Variants in BRCA2 observed in about 807,000 individuals in gnomAD.
The protein encoded by BRCA2 is breast cancer type 2 susceptibility protein.
BRCA2 carries 203 observed loss-of-function variants against 276.7 expected under a neutral mutation model. The observed-to-expected ratio is 0.73, with a 90% CI of 0.65 to 0.82. BRCA2 has a LOEUF of 0.82. Ranked by LOEUF, BRCA2 falls within the 40% of genes least tolerant of loss-of-function variation. The pLI, the probability that BRCA2 is intolerant of heterozygous loss-of-function variation, is 0.00. For synonymous variants in BRCA2, 1,289 were observed against 1,338.4 expected (o/e 0.96, Z 0.81); for missense variants, 3,920 against 3,915.0 (o/e 1.00, Z -0.03).
rs747363339 is a variant in BRCA2 at position 32,336,398 on chromosome 13, A to G, written c.2043A>G (p.Val681=). 15 of 1,613,186 alleles carry G rather than the reference A, an allele frequency of 9.3e-6. No homozygotes were observed. Among genetic ancestry groups the G allele is most frequent in the Non-Finnish European group, 8.5e-7 (1 of 1,179,800 alleles). The change falls in exon 11 of 27, where the codon GTA becomes GTG. Residue 681 remains valine, a synonymous_variant. Transcript: ENST00000380152. ...ATGAAACATGTTCTAATAATACAGT[A>G]ATCTCTCAGGATCTTGATTATAAAG... ...SRNETCSNNT[V]ISQDLDYKEA...
At chr13:32,348,743 A>C (rs2072627887) in intron 13 of BRCA2, among the ~76,000 whole-genome samples, 1 of 152,172 alleles carries the variant, frequency 6.6e-6, no homozygotes, top group South Asian at 2.1e-4. Context: ...CATAGAAGAG[A>C]GGCAAAGGGA....
chr13:32,331,251 C>T (rs1389630928), intron 9 of BRCA2, among the ~76,000 whole-genome samples: 3 of 152,090 alleles, frequency 2.0e-5, no homozygotes, highest in Non-Finnish European at 4.4e-5. Context: ...GGCATTTCAC[C>T]ATGTTGGCCA....
chr13:32,379,705 A>G (rs1239851422), intron 22 of BRCA2, 45 bp from the exon 23 acceptor site: 1 of 1,578,988 alleles, frequency 6.3e-7, no homozygotes, highest in Admixed American at 1.7e-5. Context: ...CATTTAAATG[A>G]TAATCACTTC....
chr13:32,385,526 C>T, intron 24 of BRCA2: 1 of 228,660 alleles, frequency 4.4e-6, no homozygotes. Flanking sequence ...CCCACTTCTG[C>T]CTTCCTGCAT....
intron 11 of BRCA2, among the ~76,000 whole-genome samples, chr13:32,344,166 G>GA (rs34225677): frequency 0.032 from 4,416 of 137,490 alleles, 120 homozygotes; most frequent in Non-Finnish European, 0.051. Context: ...CCCCCGTGCT[G>GA]AAAAAAAAAA....
Position 32,371,059 on chromosome 13 carries a change from C to G in BRCA2, c.8591C>G (p.Ala2864Gly), listed in dbSNP as rs80359116. The G allele has an allele frequency of 1.2e-6, 2 of 1,613,816 alleles. No individual in the cohort carries two copies. The highest frequency in any genetic ancestry group is 1.3e-5 in the African/African-American group (1 of 74,866). Residue 2864 changes from alanine (A) to glycine (G), a missense_variant, in exon 20 of 27, where the codon GCC (alanine) becomes GGC (glycine). By Grantham distance (60) the Ala-to-Gly change is moderately conservative (BLOSUM62 0). Coordinates refer to ENST00000380152, the MANE Select transcript of BRCA2 (RefSeq NM_000059.4). ...GAGGCCCAACAAAAGAGACTAGAAGCCTTATTCACTAAAATTCAGGAGGAA... is the reference window on the plus strand; with the variant it reads ...GAGGCCCAACAAAAGAGACTAGAAGGCTTATTCACTAAAATTCAGGAGGAA... The part of the protein sequence containing the change: ...YVEAQQKRLE[A>G]LFTKIQEEFE...
intron 13 of BRCA2, among the ~76,000 whole-genome samples, chr13:32,348,662 A>G (rs1055699861): frequency 2.0e-5 from 3 of 152,184 alleles, no homozygotes; most frequent in African/African-American, 7.2e-5. Flanking sequence ...CGCTTTTCTC[A>G]GGAAACTAAC....
At position 32,340,427 on chromosome 13, in the gene BRCA2, G is replaced by C. The variant is rs1566233838; in HGVS notation, c.6072G>C (p.Gln2024His). The change falls in exon 11 of 27, where the codon CAG becomes CAC. Residue 2024 changes from glutamine to histidine, a missense_variant. Transcript: ENST00000380152. ...TTAAAAGTAACGAACATTCAGACCA[G>C]CTCACAAGAGAAGAAAATACTGCTA... ...VLFKSNEHSDQLTREENTAIR... is the reference protein window; with the variant it reads ...VLFKSNEHSDHLTREENTAIR... 1 of 1,613,770 alleles carries C rather than the reference G, an allele frequency of 6.2e-7. No individual in the cohort carries two copies. Among genetic ancestry groups the C allele is most frequent in the Non-Finnish European group, 8.5e-7 (1 of 1,179,794 alleles).
At chr13:32,368,807 TTG>T (rs879772627) in intron 18 of BRCA2, among the ~76,000 whole-genome samples, 5,833 of 147,170 alleles carry the variant, frequency 0.04, 191 homozygotes, top group South Asian at 0.12. Context: ...TGTTTTTTTT[TTG>T]GTTTTTTTTG....
intron 3 of BRCA2, among the ~76,000 whole-genome samples, chr13:32,321,418 A>G (rs1373640281): frequency 6.6e-6 from 1 of 152,226 alleles, no homozygotes; most frequent in Non-Finnish European, 1.5e-5. Flanking sequence ...GTGCATGAAA[A>G]GTGAGCAGCC....
chr13:32,384,534 G>A (rs2072945624), intron 24 of BRCA2: 1 of 155,052 alleles, frequency 6.4e-6, no homozygotes, highest in Non-Finnish European at 1.5e-5. Context: ...GCTTGTTATG[G>A]GGACTGACAC....
chr13:32,338,189 T>A lies in BRCA2; in HGVS notation c.3834T>A (p.His1278Gln). 2 of 1,565,268 alleles carry A rather than the reference T, an allele frequency of 1.3e-6. No homozygotes were observed. The highest frequency in any genetic ancestry group is 1.7e-6 in the Non-Finnish European group (2 of 1,155,006). Residue 1278 changes from histidine to glutamine, a missense_variant, in exon 11 of 27, where the codon CAT becomes CAA. By Grantham distance (24) the His-to-Gln change is conservative (BLOSUM62 0). Around this residue, in one of 2 missense-constraint regions of BRCA2, gnomAD observed 3,263 missense variants for 3,156.9 expected, o/e 1.03. Transcript: ENST00000380152. ...SVVSMFKIEN[H>Q]NDKTVSEKNN... ...TTTCAATGTTTAAGATAGAAAATCATAATGATAAAACTGTAAGTGAAAAAA... is the reference window on the plus strand; with the variant it reads ...TTTCAATGTTTAAGATAGAAAATCAAAATGATAAAACTGTAAGTGAAAAAA...
intron 12 of BRCA2, among the ~76,000 whole-genome samples, chr13:32,345,656 A>T (rs2072605997): frequency 6.6e-6 from 1 of 152,050 alleles, no homozygotes; most frequent in Non-Finnish European, 1.5e-5. Flanking sequence ...AGATTTTGAA[A>T]TGCTTGCATA....
chr13:32,347,715 C>T (rs564998645), intron 13 of BRCA2, among the ~76,000 whole-genome samples: 2 of 152,258 alleles, frequency 1.3e-5, no homozygotes, highest in African/African-American at 4.8e-5. Context: ...TGCAGGCCCT[C>T]TAGGCATGAG....
intron 24 of BRCA2, among the ~76,000 whole-genome samples, chr13:32,381,099 T>A (rs1247244538): frequency 6.6e-6 from 1 of 152,246 alleles, no homozygotes; most frequent in Non-Finnish European, 1.5e-5. Flanking sequence ...TTATTTCATC[T>A]TGGTCATATT....
chr13:32,391,068 T>G (rs2072993548), intron 24 of BRCA2, among the ~76,000 whole-genome samples: 1 of 152,142 alleles, frequency 6.6e-6, no homozygotes, highest in Non-Finnish European at 1.5e-5. Flanking sequence ...AAAAGCAAAC[T>G]CAACATTTGA....
intron 13 of BRCA2, among the ~76,000 whole-genome samples, chr13:32,350,946 A>G (rs1452296475): frequency 1.3e-5 from 2 of 152,186 alleles, no homozygotes; most frequent in Admixed American, 6.5e-5. Flanking sequence ...CACACCAATC[A>G]GCGCTCTGTG....
At chr13:32,319,460 C>T (rs983750297) in intron 3 of BRCA2, 135 bp downstream of exon 3, 10 of 855,096 alleles carry the variant, frequency 1.2e-5, no homozygotes, top group Non-Finnish European at 1.5e-5. Context: ...TTTCCTCACT[C>T]GAAAAATGGA....
At chr13:32,360,767 G>A (rs1348067200) in intron 16 of BRCA2, among the ~76,000 whole-genome samples, 2 of 152,194 alleles carry the variant, frequency 1.3e-5, no homozygotes, top group African/African-American at 4.8e-5. Flanking sequence ...GTGAGAGGTG[G>A]TTGGTTGGAC....
Sources: allele counts gnomAD v4.1 joint callset (sites outside exome capture counted in the v4.1 genomes callset), GRCh38; gene constraint gnomAD v4.1.1; regional missense constraint gnomAD v4.1.1; transcripts MANE v1.5; gene names NCBI Gene and HGNC (gene_info 2026-07-23, HGNC 2026-07-21).